The following NMNAT2 variants were observed in gnomAD, a reference collection of about 807,000 sequenced individuals.
NMNAT2 encodes nicotinamide/nicotinic acid mononucleotide adenylyltransferase 2.
In NMNAT2, 11 loss-of-function variants were observed where a neutral mutation model predicts 41.6. That is an observed-to-expected ratio of 0.26 (90% CI 0.17 to 0.44). NMNAT2 has a LOEUF of 0.44. NMNAT2 is among the 20% of genes least tolerant of loss of function. The pLI, the probability that NMNAT2 is intolerant of heterozygous loss-of-function variation, is 1.00. For missense variants in NMNAT2, 288 were observed against 407.7 expected, an observed-to-expected ratio of 0.71 and a Z score of 2.53; for synonymous variants, 148 against 151.2, an observed-to-expected ratio of 0.98 and a Z score of 0.16.
intron 1 of NMNAT2, among the ~76,000 whole-genome samples, chr1:183,392,268 G>A (rs1268827375): frequency 6.6e-6 from 1 of 152,140 alleles, no homozygotes; most frequent in Non-Finnish European, 1.5e-5. Flanking sequence ...CAGGCCAAAA[G>A]CCTTGGCTCA....
At chr1:183,328,208 C>T (rs764008549) in intron 1 of NMNAT2, among the ~76,000 whole-genome samples, 4 of 152,132 alleles carry the variant, frequency 2.6e-5, no homozygotes, top group African/African-American at 4.8e-5. Flanking sequence ...GATCAGATGC[C>T]GCAGGCCAGG....
intron 1 of NMNAT2, among the ~76,000 whole-genome samples, chr1:183,368,668 A>C (rs1028012127): frequency 2.0e-5 from 3 of 152,130 alleles, no homozygotes; most frequent in African/African-American, 7.2e-5. Context: ...AGCACCTTCT[A>C]AGCACCTTCT....
intron 1 of NMNAT2, among the ~76,000 whole-genome samples, chr1:183,395,735 G>A (rs910950229): frequency 6.6e-6 from 1 of 152,100 alleles, no homozygotes; most frequent in African/African-American, 2.4e-5. Context: ...CAATAAAGGA[G>A]GTGTTACACT....
intron 5 of NMNAT2, among the ~76,000 whole-genome samples, chr1:183,285,319 T>G (rs568143057): frequency 1.3e-5 from 2 of 152,178 alleles, no homozygotes; most frequent in Non-Finnish European, 2.9e-5. Context: ...TAGCTGCTCC[T>G]CCCACTGGGC....
chr1:183,394,064 G>T (rs910221796), intron 1 of NMNAT2, among the ~76,000 whole-genome samples: 3 of 152,206 alleles, frequency 2.0e-5, no homozygotes, highest in Non-Finnish European at 4.4e-5. Flanking sequence ...AGGGAAAAGA[G>T]ATAGAGGTTG....
chr1:183,334,373 A>T (rs1309521214), intron 1 of NMNAT2, among the ~76,000 whole-genome samples: 1 of 151,728 alleles, frequency 6.6e-6, no homozygotes, highest in Non-Finnish European at 1.5e-5. Flanking sequence ...GGCCCTGTTG[A>T]ATTTCAATAG....
chr1:183,358,317 G>A (rs181325626), intron 1 of NMNAT2, among the ~76,000 whole-genome samples: 128 of 152,204 alleles, frequency 8.4e-4, no homozygotes, highest in Admixed American at 1.1e-3. Flanking sequence ...TAACTAATGG[G>A]CTTAATATCT....
chr1:183,254,918 T>G (rs1326792826), intron 10 of NMNAT2, among the ~76,000 whole-genome samples: 2 of 152,230 alleles, frequency 1.3e-5, no homozygotes, highest in Admixed American at 6.5e-5. Context: ...CTTTTTAGTT[T>G]GAAGTCCCAT....
rs1439964553 is a variant in NMNAT2, at chr1:183,290,162, C to A, written c.287G>T (p.Cys96Phe). 6.9e-6 allele frequency: 11 copies of A among 1,587,142 alleles called. No individual in the cohort carries two copies. Among genetic ancestry groups the A allele is most frequent in the Non-Finnish European group, 9.4e-6 (11 of 1,165,588 alleles). ...GTCCCGGTGGTGTTCCAACACGCTG[C>A]AGGTCGTCTGCCAGGTGTCCTGGTA... is the stretch of plus-strand genomic sequence containing the variant. ...ECYQDTWQTTCSVLEHHRDLM... is the reference protein window; with the variant it reads ...ECYQDTWQTTFSVLEHHRDLM... Residue 96 changes from cysteine (C) to phenylalanine (F), a missense_variant, in exon 4 of 11, where the codon TGC (cysteine) becomes TTC (phenylalanine). By Grantham distance (205) the Cys-to-Phe change is radical (BLOSUM62 -2). Coordinates refer to ENST00000287713, the MANE Select transcript of NMNAT2 (RefSeq NM_015039.4).
intron 8 of NMNAT2, among the ~76,000 whole-genome samples, chr1:183,274,581 G>A (rs1228900339): frequency 1.3e-5 from 2 of 151,904 alleles, no homozygotes; most frequent in Non-Finnish European, 2.9e-5. Context: ...CCAAAGTGCT[G>A]GGATTACAGG....
At chr1:183,406,844 A>C (rs985970006) in intron 1 of NMNAT2, among the ~76,000 whole-genome samples, 1 of 119,206 alleles carries the variant, frequency 8.4e-6, no homozygotes, top group African/African-American at 3.3e-5. Flanking sequence ...TTTGAGACAG[A>C]GTCTCACTCT....
At chr1:183,413,256 A>G (rs1032245884) in intron 1 of NMNAT2, among the ~76,000 whole-genome samples, 24 of 152,356 alleles carry the variant, frequency 1.6e-4, no homozygotes, top group African/African-American at 5.8e-4. Flanking sequence ...GAGGGAGCCA[A>G]TACCAGGAGG....
chr1:183,352,379 C>T (rs938240883), intron 1 of NMNAT2, among the ~76,000 whole-genome samples: 1 of 151,964 alleles, frequency 6.6e-6, no homozygotes, highest in African/African-American at 2.4e-5. Context: ...GCCTGGCCAA[C>T]ATGGTGAAAC....
Position 183,278,584 on chromosome 1 carries a change from A to G in NMNAT2, c.620T>C (p.Phe207Ser). The G allele has an allele frequency of 6.2e-7, 1 of 1,613,932 alleles. No homozygotes were observed. Among genetic ancestry groups the G allele is most frequent in the Non-Finnish European group, 8.5e-7 (1 of 1,179,816 alleles). The stretch of plus-strand genomic sequence containing the variant: ...CTCGTTCCAGAGCCCTGGGATGCAG[A>G]AGGACTCCAGCAGGTCACTACCACA... ...LLCGSDLLES[F>S]CIPGLWNEAD... The change falls in exon 8 of 11, where the codon TTC becomes TCC. Residue 207 changes from phenylalanine (F) to serine (S), a missense_variant. Coordinates refer to ENST00000287713, the MANE Select transcript of NMNAT2 (RefSeq NM_015039.4).
intron 8 of NMNAT2, among the ~76,000 whole-genome samples, chr1:183,265,258 CTTTTTTTTTTT>C (rs67117635): frequency 3.8e-3 from 245 of 64,620 alleles, no homozygotes; most frequent in Middle Eastern, 0.017. Flanking sequence ...TCTTCTTCTT[CTTTTTTTTTTT>C]TTTTTTTTTT....
chr1:183,400,900 T>C (rs1648790568), intron 1 of NMNAT2, among the ~76,000 whole-genome samples: 1 of 152,170 alleles, frequency 6.6e-6, no homozygotes, highest in Non-Finnish European at 1.5e-5. Context: ...TTACACCTTA[T>C]ACAAAAATTA....
chr1:183,313,772 C>T (rs979307479), intron 1 of NMNAT2, among the ~76,000 whole-genome samples: 5 of 152,220 alleles, frequency 3.3e-5, no homozygotes, highest in African/African-American at 7.2e-5. Flanking sequence ...AGGTGTGAGC[C>T]GCTGCGCCCA....
chr1:183,303,245 G>A (rs1571586060), intron 1 of NMNAT2, among the ~76,000 whole-genome samples: 1 of 152,318 alleles, frequency 6.6e-6, no homozygotes, highest in Middle Eastern at 3.4e-3. Flanking sequence ...GAAGAGGCTA[G>A]CTGAGAAGAA....
rs1208085233 is a variant in NMNAT2, at chr1:183,284,795, G to A, written c.449-5C>T. On this transcript the variant is annotated splice_polypyrimidine_tract_variant and splice_region_variant and intron_variant, in intron 5 of 10. Transcript: ENST00000287713. ...CCACCTTCCCCAAGATCTTGGCTAT[G>A]GGAGAGAGCAAGACAGACAGGGACA... The A allele has an allele frequency of 1.2e-6, 2 of 1,613,368 alleles. No homozygotes were observed. Among genetic ancestry groups the A allele is most frequent in the South Asian group, 2.2e-5 (2 of 91,068 alleles).
Sources: gnomAD v4.1 joint callset for allele counts (sites outside exome capture counted in the v4.1 genomes callset) on GRCh38, gnomAD v4.1.1 for gene constraint, MANE v1.5 for transcripts, NCBI Gene and HGNC (gene_info 2026-07-23, HGNC 2026-07-21) for gene names.